The following PNPLA8 variants were observed in gnomAD, a reference collection of about 807,000 sequenced individuals.
PNPLA8 encodes the protein calcium-independent phospholipase A2-gamma.
Under a neutral mutation model 76.9 loss-of-function variants are expected in PNPLA8, and 39 were observed. That is an observed-to-expected ratio of 0.51 (90% CI 0.39 to 0.66). The LOEUF (loss-of-function observed/expected upper bound fraction) is 0.66, where lower values mean the gene tolerates loss of function less well. Among genes scored for constraint, PNPLA8 ranks in the 30% least tolerant of loss-of-function variants. PNPLA8 has a pLI of 0.00. For missense variants in PNPLA8, 887 were observed against 918.0 expected, an observed-to-expected ratio of 0.97 and a Z score of 0.44; for synonymous variants, 301 against 307.9, an observed-to-expected ratio of 0.98 and a Z score of 0.24.
chr7:108,477,303 A>C (rs574681107), intron 10 of PNPLA8, among the ~76,000 whole-genome samples: 15 of 152,204 alleles, frequency 9.9e-5, no homozygotes, highest in Non-Finnish European at 1.8e-4. Context: ...GCTGGGAGAA[A>C]AAGAGTATTT....
intron 4 of PNPLA8, among the ~76,000 whole-genome samples, chr7:108,509,696 T>C (rs1295475242): frequency 3.3e-5 from 5 of 152,036 alleles, no homozygotes; most frequent in African/African-American, 9.7e-5. Flanking sequence ...CATATGACTA[T>C]AAATCATGCT....
Position 108,471,207 on chromosome 7 carries a change from C to T in PNPLA8, c.*1194G>A, listed in dbSNP as rs910011662. 4.1e-5 allele frequency: 6 copies of T among 146,548 alleles called. No individual in the cohort carries two copies. The highest frequency in any genetic ancestry group is 1.5e-4 in the African/African-American group (6 of 38,918). The allele number at this position is 146,548 out of a possible 1,614,324, so 9.1% of individuals were successfully genotyped here. ...AGTTAATAAGGTAAAACAAGCCTAA[C>T]TTCTTCTTTTTTTTTTTTTTTTTTT... On this transcript the variant is annotated 3_prime_UTR_variant, in exon 11 of 11. Transcript: ENST00000257694.
intron 9 of PNPLA8, among the ~76,000 whole-genome samples, chr7:108,482,647 A>G (rs547916179): frequency 2.0e-5 from 3 of 152,218 alleles, no homozygotes; most frequent in South Asian, 2.1e-4. Context: ...GCATCTTTCA[A>G]TAATGGTATG....
intron 9 of PNPLA8, among the ~76,000 whole-genome samples, chr7:108,487,371 C>T (rs1860809493): frequency 6.6e-6 from 1 of 152,174 alleles, no homozygotes; most frequent in Admixed American, 6.5e-5. Flanking sequence ...TATTATTTTA[C>T]TGTATCCCTT....
At position 108,487,953 on chromosome 7, in the gene PNPLA8, C is replaced by A. The variant is rs779264581; in HGVS notation, c.1684G>T (p.Val562Leu). ...ETARNPTCPK[V>L]AAVSTIVNRG... is the part of the protein sequence containing the mutation. Reference sequence around the variant, plus strand: ...TTTACTATGGTACTTACAGCAGCTACCTAGTGAATGAAAAAGTGAACAATT... The same window carrying A: ...TTTACTATGGTACTTACAGCAGCTAACTAGTGAATGAAAAAGTGAACAATT... Residue 562 changes from valine to leucine, a missense_variant and splice_region_variant, in exon 9 of 11, where the codon GTA becomes TTA. Coordinates refer to ENST00000257694, the MANE Select transcript of PNPLA8 (RefSeq NM_001256007.3). 5 of 1,581,206 alleles carry A rather than the reference C, an allele frequency of 3.2e-6. No homozygotes were observed. The highest frequency in any genetic ancestry group is 1.4e-5 in the African/African-American group (1 of 73,652).
intron 4 of PNPLA8, among the ~76,000 whole-genome samples, chr7:108,511,881 T>C (rs1480973470): frequency 1.3e-5 from 2 of 152,220 alleles, no homozygotes; most frequent in Non-Finnish European, 1.5e-5. Context: ...GAATGATTTC[T>C]GAAGGAATAC....
At chr7:108,502,910 T>C (rs1862071121) in intron 4 of PNPLA8, 1 of 227,504 alleles carries the variant, frequency 4.4e-6, no homozygotes, top group African/African-American at 2.3e-5. Context: ...GAAAATATAA[T>C]TTATAGAAAT....
At chr7:108,488,802 T>G (rs1208105433) in intron 8 of PNPLA8, among the ~76,000 whole-genome samples, 1 of 152,202 alleles carries the variant, frequency 6.6e-6, no homozygotes, top group Non-Finnish European at 1.5e-5. Context: ...TTTATCACTG[T>G]CAGTTAAATT....
intron 4 of PNPLA8, 64 bp downstream of exon 4, chr7:108,514,080 A>C: frequency 8.6e-7 from 1 of 1,160,856 alleles, no homozygotes; most frequent in East Asian, 2.4e-5. Flanking sequence ...TGCCTTCTCC[A>C]TTTTAGATTT....
chr7:108,479,060 T>C (rs192202761), intron 10 of PNPLA8, 124 bp downstream of exon 10: 58 of 649,934 alleles, frequency 8.9e-5, no homozygotes, highest in African/African-American at 6.7e-4. Context: ...TTTCCTCCCA[T>C]GTACTTCCTA....
At chr7:108,493,568 CTTTT>C (rs34935118) in intron 7 of PNPLA8, among the ~76,000 whole-genome samples, 1 of 81,214 alleles carries the variant, frequency 1.2e-5, no homozygotes, top group East Asian at 3.9e-4. Flanking sequence ...CCATGCCTGG[CTTTT>C]TTTTTTTTTT....
chr7:108,507,642 C>T (rs187640874), intron 4 of PNPLA8, among the ~76,000 whole-genome samples: 96 of 151,198 alleles, frequency 6.3e-4, no homozygotes, highest in African/African-American at 2.2e-3. Context: ...ACTCTGTCTC[C>T]CAAAAAAAGA....
At chr7:108,509,873 T>C (rs1298688151) in intron 4 of PNPLA8, among the ~76,000 whole-genome samples, 3 of 145,082 alleles carry the variant, frequency 2.1e-5, no homozygotes, top group Admixed American at 6.9e-5. Flanking sequence ...TCATGTCCTT[T>C]GTAGGGACAT....
intron 2 of PNPLA8, among the ~76,000 whole-genome samples, chr7:108,517,691 G>A (rs1355217276): frequency 6.6e-6 from 1 of 152,172 alleles, no homozygotes; most frequent in Non-Finnish European, 1.5e-5. Flanking sequence ...GCTACATACT[G>A]TGTCTTAGTC....
At chr7:108,481,909 A>C (rs1284320252) in intron 9 of PNPLA8, among the ~76,000 whole-genome samples, 1 of 152,124 alleles carries the variant, frequency 6.6e-6, no homozygotes, top group East Asian at 1.9e-4. Context: ...CTAGGAGAAA[A>C]GACAGGGAGA....
intron 10 of PNPLA8, among the ~76,000 whole-genome samples, chr7:108,475,163 C>A (rs1447268539): frequency 6.6e-6 from 1 of 152,090 alleles, no homozygotes; most frequent in Non-Finnish European, 1.5e-5. Context: ...CTCCCATCAT[C>A]CCTAGATAAG....
intron 8 of PNPLA8, 151 bp downstream of exon 8, chr7:108,491,259 A>G: frequency 1.8e-6 from 1 of 559,318 alleles, no homozygotes; most frequent in Non-Finnish European, 3.1e-6. Context: ...GTGAGCCGAG[A>G]TCGTGCTATT....
intron 2 of PNPLA8, among the ~76,000 whole-genome samples, chr7:108,516,994 T>C (rs1863394049): frequency 6.6e-6 from 1 of 151,190 alleles, no homozygotes; most frequent in South Asian, 2.1e-4. Context: ...TGGGAAAAAA[T>C]ATTTTCAACA....
At chr7:108,507,148 T>C (rs1356150188) in intron 4 of PNPLA8, among the ~76,000 whole-genome samples, 4 of 151,492 alleles carry the variant, frequency 2.6e-5, no homozygotes, top group Non-Finnish European at 5.9e-5. Flanking sequence ...ATCGAGACCA[T>C]CCTGGCCAAC....
Sources: gnomAD v4.1 joint callset for allele counts (sites outside exome capture counted in the v4.1 genomes callset) on GRCh38, gnomAD v4.1.1 for gene constraint, MANE v1.5 for transcripts, NCBI Gene and HGNC (gene_info 2026-07-23, HGNC 2026-07-21) for gene names.